Variants in DCLK1 observed in about 807,000 individuals in gnomAD.
The protein encoded by DCLK1 is doublecortin like kinase 1, also known as serine/threonine-protein kinase DCLK1.
A neutral mutation model predicts 86.2 loss-of-function variants in DCLK1; 16 were observed. The observed-to-expected ratio is 0.19, with a 90% CI of 0.13 to 0.28. DCLK1 has a LOEUF of 0.28. Among genes scored for constraint, DCLK1 ranks in the 10% least tolerant of loss-of-function variants. The probability of loss-of-function intolerance (pLI) is 1.00; values close to 1 mark genes in which losing one functional copy is unlikely to be tolerated. For missense variants in DCLK1, 590 were observed against 940.2 expected (o/e 0.63, Z 4.87); for synonymous variants, 369 against 370.5 (o/e 1.00, Z 0.05).
intron 2 of DCLK1, among the ~76,000 whole-genome samples, chr13:36,118,382 T>C (rs1447833002): frequency 1.3e-5 from 2 of 152,062 alleles, no homozygotes; most frequent in African/African-American, 4.8e-5. Flanking sequence ...GAATTGGCAA[T>C]TGACTGGATG....
chr13:35,796,371 G>C (rs1158183543), intron 15 of DCLK1, among the ~76,000 whole-genome samples: 1 of 152,190 alleles, frequency 6.6e-6, no homozygotes, highest in Admixed American at 6.5e-5. Context: ...AGTGAAAAGG[G>C]AGAGTTGAAA....
chr13:35,821,539 A>C (rs1187510625), intron 11 of DCLK1, among the ~76,000 whole-genome samples: 1 of 152,112 alleles, frequency 6.6e-6, no homozygotes, highest in Non-Finnish European at 1.5e-5. Flanking sequence ...CTTTAGAAAG[A>C]GAATCCTCTT....
At chr13:36,004,655 A>C (rs1880867694) in intron 3 of DCLK1, among the ~76,000 whole-genome samples, 1 of 152,064 alleles carries the variant, frequency 6.6e-6, no homozygotes, top group African/African-American at 2.4e-5. Flanking sequence ...GCAGTGGTGC[A>C]ATCTCGGCCT....
At chr13:35,815,381 A>T (rs752584657) in intron 11 of DCLK1, among the ~76,000 whole-genome samples, 1 of 152,228 alleles carries the variant, frequency 6.6e-6, no homozygotes, top group Non-Finnish European at 1.5e-5. Context: ...ATAATATGGC[A>T]CTAAAAGCTG....
chr13:35,921,375 C>T (rs1280033176), intron 4 of DCLK1, among the ~76,000 whole-genome samples: 1 of 152,094 alleles, frequency 6.6e-6, no homozygotes, highest in Non-Finnish European at 1.5e-5. Context: ...CCACTCTCAC[C>T]CCTACATACC....
rs533987730 is a variant in DCLK1 at position 35,770,361 on chromosome 13, T to C, written c.*4174A>G. The C allele has an allele frequency of 2.0e-5, 3 of 152,204 alleles. No individual in the cohort carries two copies. Among genetic ancestry groups the C allele is most frequent in the Non-Finnish European group, 4.4e-5 (3 of 68,032 alleles). The allele number at this position is 152,204 out of a possible 1,614,324, so 9.4% of individuals were successfully genotyped here. A position where few individuals can be genotyped will look rare whatever the true frequency, so the allele number is the denominator to read the frequency against. On this transcript the variant is annotated 3_prime_UTR_variant, in exon 17 of 17. Transcript: ENST00000360631. ...TCCCCTGCTTCTTTTCATATCTGAATTGTCAAAAAATGTTAATTTTGGAAG... is the reference window on the plus strand; with the variant it reads ...TCCCCTGCTTCTTTTCATATCTGAACTGTCAAAAAATGTTAATTTTGGAAG...
intron 3 of DCLK1, among the ~76,000 whole-genome samples, chr13:36,038,575 T>C (rs948261927): frequency 3.3e-5 from 5 of 152,178 alleles, no homozygotes; most frequent in African/African-American, 1.2e-4. Context: ...CCAGTACATG[T>C]TCCTAAGCAA....
At chr13:35,995,295 A>G (rs922502567) in intron 3 of DCLK1, among the ~76,000 whole-genome samples, 4 of 152,226 alleles carry the variant, frequency 2.6e-5, no homozygotes, top group Admixed American at 1.3e-4. Flanking sequence ...AGTGGAGGAA[A>G]TGACTTAACA....
chr13:36,033,750 A>G lies in DCLK1; in HGVS notation c.723+78119T>C, dbSNP rs561661309. On this transcript the variant is annotated intron_variant, in intron 3 of 16. Coordinates refer to ENST00000360631, the MANE Select transcript of DCLK1 (RefSeq NM_001330071.2). Reference sequence around the variant, plus strand: ...AGACCAACCTGACCAACATGGAGAAACCCCATCTCTACTAAAAATACAAAA... The same window carrying G: ...AGACCAACCTGACCAACATGGAGAAGCCCCATCTCTACTAAAAATACAAAA... Among the ~76,000 whole-genome samples, 3 of 152,148 alleles carry G rather than the reference A, an allele frequency of 2.0e-5. No individual in the cohort carries two copies. In the South Asian group the frequency reaches 6.2e-4, roughly 32 times the overall value.
At chr13:35,921,208 C>T (rs1043773529) in intron 4 of DCLK1, among the ~76,000 whole-genome samples, 2 of 152,198 alleles carry the variant, frequency 1.3e-5, no homozygotes, top group Non-Finnish European at 2.9e-5. Flanking sequence ...AGGTTTACCA[C>T]AGCCTGGCCC....
chr13:36,097,210 C>T (rs1205269768), intron 3 of DCLK1, among the ~76,000 whole-genome samples: 1 of 152,168 alleles, frequency 6.6e-6, no homozygotes, highest in Non-Finnish European at 1.5e-5. Context: ...TCAGTGGCTG[C>T]TGGGCTAGGG....
At chr13:35,935,609 G>A (rs1876711645) in intron 4 of DCLK1, among the ~76,000 whole-genome samples, 1 of 152,184 alleles carries the variant, frequency 6.6e-6, no homozygotes, top group South Asian at 2.1e-4. Context: ...TCAGTTGTGG[G>A]ATGTGTTGAA....
At chr13:35,918,897 T>TTTG (rs1448253559) in intron 4 of DCLK1, among the ~76,000 whole-genome samples, 1 of 129,994 alleles carries the variant, frequency 7.7e-6, no homozygotes, top group African/African-American at 2.7e-5. Context: ...AGTGTGTTTT[T>TTTG]TTTTTTTTTT....
chr13:36,098,977 T>A (rs962160283), intron 3 of DCLK1, among the ~76,000 whole-genome samples: 1 of 152,100 alleles, frequency 6.6e-6, no homozygotes, highest in African/African-American at 2.4e-5. Context: ...TTGGATTTTT[T>A]TTTTTTTTTG....
chr13:35,964,265 C>T (rs1353416085), intron 3 of DCLK1, among the ~76,000 whole-genome samples: 2 of 151,974 alleles, frequency 1.3e-5, no homozygotes, highest in African/African-American at 2.4e-5. Context: ...AAGGAATATG[C>T]CGTGAAGTGC....
At chr13:36,118,180 G>C (rs1199928385) in intron 2 of DCLK1, among the ~76,000 whole-genome samples, 2 of 152,180 alleles carry the variant, frequency 1.3e-5, no homozygotes, top group Admixed American at 1.3e-4. Flanking sequence ...GATCAGCCCT[G>C]GGTGATAAAC....
At chr13:35,861,290 G>A (rs1871366164) in intron 5 of DCLK1, among the ~76,000 whole-genome samples, 1 of 152,204 alleles carries the variant, frequency 6.6e-6, no homozygotes, top group Non-Finnish European at 1.5e-5. Flanking sequence ...GTCCTGTGAT[G>A]TAAAATTAGG....
intron 4 of DCLK1, among the ~76,000 whole-genome samples, chr13:35,909,964 G>A (rs773585273): frequency 2.8e-4 from 42 of 151,966 alleles, no homozygotes; most frequent in Non-Finnish European, 5.0e-4. Flanking sequence ...CTCTGTTCTC[G>A]CCCTGCCTCA....
At chr13:36,037,465 T>G (rs1401653027) in intron 3 of DCLK1, among the ~76,000 whole-genome samples, 1 of 150,846 alleles carries the variant, frequency 6.6e-6, no homozygotes, top group Non-Finnish European at 1.5e-5. Context: ...AATGTGACCT[T>G]TTTTCTCGTG....
Sources: gnomAD v4.1 joint callset for allele counts (sites outside exome capture counted in the v4.1 genomes callset) on GRCh38, gnomAD v4.1.1 for gene constraint, MANE v1.5 for transcripts, NCBI Gene and HGNC (gene_info 2026-07-23, HGNC 2026-07-21) for gene names.